CD180: variants seen among roughly 807,000 people sequenced by gnomAD.
CD180 encodes the protein CD180 molecule.
Under a neutral mutation model 10.7 loss-of-function variants are expected in CD180, and 11 were observed. The ratio of observed to expected loss-of-function variants is 1.03; its 90% CI spans 0.65 to 1.70. CD180 has a LOEUF of 1.70. Among genes scored for constraint, CD180 ranks in the 40% most tolerant of loss-of-function variants. The pLI, the probability that CD180 is intolerant of heterozygous loss-of-function variation, is 0.00. For synonymous variants in CD180, 286 were observed against 294.6 expected (o/e 0.97, Z 0.30); for missense variants, 729 against 775.2 (o/e 0.94, Z 0.71).
At position 67,185,893 on chromosome 5, in the gene CD180, G is replaced by C. The variant is rs779711805; in HGVS notation, c.215C>G (p.Thr72Ser). 5 of 1,609,694 alleles carry C rather than the reference G, an allele frequency of 3.1e-6. No homozygotes were observed. Among genetic ancestry groups the C allele is most frequent in the Non-Finnish European group, 4.2e-6 (5 of 1,177,592 alleles). Residue 72 changes from threonine to serine, a missense_variant, in exon 2 of 3, where the codon ACC becomes AGC. By Grantham distance (58) the Thr-to-Ser change is moderately conservative. Transcript: ENST00000256447. Reference sequence around the variant, plus strand: ...GGTAAGATTCATGAGTCTGCTGAAGGTTCTATTGTGAATTGTAGGCAAAAA... The same window carrying C: ...GGTAAGATTCATGAGTCTGCTGAAGCTTCTATTGTGAATTGTAGGCAAAAA... The part of the protein sequence containing the change: ...FNFLPTIHNR[T>S]FSRLMNLTFL...
At position 67,184,478 on chromosome 5, in the gene CD180, T is replaced by C. The variant is rs748165253; in HGVS notation, c.365A>G (p.Asn122Ser). 9.3e-6 allele frequency: 15 copies of C among 1,614,016 alleles called. No homozygotes were observed. The highest frequency in any genetic ancestry group is 1.1e-5 in the Non-Finnish European group (13 of 1,179,988). ...AAGATGCTTCAGTGACTTGGGCCCA[T>C]TAAGCGATGTTTCTGCCATGAATAT... is the stretch of plus-strand genomic sequence containing the variant. ...PLIFMAETSL[N>S]GPKSLKHLFL... Residue 122 changes from asparagine to serine, a missense_variant, in exon 3 of 3, where the codon AAT becomes AGT. Asn to Ser is a conservative substitution (Grantham distance 46). Coordinates refer to ENST00000256447, the MANE Select transcript of CD180 (RefSeq NM_005582.3).
Position 67,183,898 on chromosome 5 carries a change from A to C in CD180, c.945T>G (p.Ser315=). The part of the protein sequence containing the change: ...LTATHLKGLP[S]GMKGLNLLKK... Reference sequence around the variant, plus strand: ...TGAGCAAGTTCAGACCCTTCATCCCAGAGGGTAACCCTTTCAAGTGAGTTG... The same window carrying C: ...TGAGCAAGTTCAGACCCTTCATCCCCGAGGGTAACCCTTTCAAGTGAGTTG... Residue 315 remains serine, a synonymous_variant, in exon 3 of 3, where the codon TCT becomes TCG. Coordinates refer to ENST00000256447, the MANE Select transcript of CD180 (RefSeq NM_005582.3). The C allele has an allele frequency of 1.2e-6, 2 of 1,614,186 alleles. No individual in the cohort carries two copies. The highest frequency in any genetic ancestry group is 1.7e-6 in the Non-Finnish European group (2 of 1,180,010).
chr5:67,196,159 C>T (rs769099528), intron 1 of CD180, among the ~76,000 whole-genome samples: 1 of 152,192 alleles, frequency 6.6e-6, no homozygotes, highest in Non-Finnish European at 1.5e-5. Flanking sequence ...TACTAATTCT[C>T]ACCCTGAGAG....
intron 1 of CD180, among the ~76,000 whole-genome samples, chr5:67,196,141 G>C (rs5744466): frequency 0.22 from 34,156 of 152,046 alleles, 6,020 homozygotes; most frequent in African/African-American, 0.49. Flanking sequence ...CTGGCACAGC[G>C]CTGTCTTTAC....
At chr5:67,195,665 C>G (rs892087157) in intron 1 of CD180, among the ~76,000 whole-genome samples, 2 of 152,240 alleles carry the variant, frequency 1.3e-5, no homozygotes, top group Admixed American at 6.5e-5. Flanking sequence ...CAGCTCTGAG[C>G]CTTACCCCAG....
chr5:67,183,352 G>A lies in CD180; in HGVS notation c.1491C>T (p.Ser497=). The A allele has an allele frequency of 3.1e-6, 5 of 1,614,204 alleles. No homozygotes were observed. The highest frequency in any genetic ancestry group is 3.4e-6 in the Non-Finnish European group (4 of 1,180,042). ...AAGAGGACAAAATCAGAACCTCCAA[G>A]CTGCCCACGGTCTGAAGTAGGTTGG... ...TKTNLLQTVG[S]LEVLILSSCG... Residue 497 remains serine (S), a synonymous_variant, in exon 3 of 3, where the codon AGC becomes AGT. Transcript: ENST00000256447.
intron 2 of CD180, among the ~76,000 whole-genome samples, chr5:67,185,057 C>T (rs756152688): frequency 6.8e-6 from 1 of 147,178 alleles, no homozygotes; most frequent in Non-Finnish European, 1.5e-5. Flanking sequence ...CCTAAAAATA[C>T]TGGATCACAC....
chr5:67,195,334 A>G (rs1581831847), intron 1 of CD180, among the ~76,000 whole-genome samples: 2 of 152,112 alleles, frequency 1.3e-5, no homozygotes, highest in East Asian at 3.9e-4. Flanking sequence ...CTCCTGCCTC[A>G]GCCTCCCGAG....
At chr5:67,189,278 C>A (rs1742256483) in intron 1 of CD180, among the ~76,000 whole-genome samples, 2 of 152,168 alleles carry the variant, frequency 1.3e-5, no homozygotes, top group African/African-American at 4.8e-5. Flanking sequence ...TTACTAAGCA[C>A]TTTACTGCCC....
chr5:67,184,939 A>G (rs945661202), intron 2 of CD180, among the ~76,000 whole-genome samples: 12 of 152,156 alleles, frequency 7.9e-5, no homozygotes, highest in African/African-American at 2.9e-4. Context: ...AATATATGGT[A>G]TAAAATACAT....
intron 1 of CD180, among the ~76,000 whole-genome samples, chr5:67,190,439 T>G (rs1742279190): frequency 6.6e-6 from 1 of 152,162 alleles, no homozygotes; most frequent in African/African-American, 2.4e-5. Flanking sequence ...CCATTGCAGT[T>G]TCTCGGATCT....
chr5:67,183,053 T>C lies in CD180; in HGVS notation c.1790A>G (p.His597Arg), dbSNP rs987642959. 17 of 1,613,408 alleles carry C rather than the reference T, an allele frequency of 1.1e-5. No individual in the cohort carries two copies. The highest frequency in any genetic ancestry group is 5.0e-5 in the Admixed American group (3 of 59,900). The change falls in exon 3 of 3, where the codon CAC (histidine) becomes CGC (arginine). Residue 597 changes from histidine (H) to arginine (R), a missense_variant. Coordinates refer to ENST00000256447, the MANE Select transcript of CD180 (RefSeq NM_005582.3). ...GGTCTCCTCCGAGCCTTCAAGTTTGTGCAGGTTTTCTTTGTACCATGTTAA... is the reference window on the plus strand; with the variant it reads ...GGTCTCCTCCGAGCCTTCAAGTTTGCGCAGGTTTTCTTTGTACCATGTTAA... ...HFLTWYKENLHKLEGSEETTC... is the reference protein window; with the variant it reads ...HFLTWYKENLRKLEGSEETTC...
In CD180 at chr5:67,183,920, G is replaced by A. The variant is rs1742119646; in HGVS notation, c.923C>T (p.Thr308Ile). ...TQLQELDLTA[T>I]HLKGLPSGMK... Reference sequence around the variant, plus strand: ...CCCAGAGGGTAACCCTTTCAAGTGAGTTGCTGTCAGATCCAATTCTTGGAG... The same window carrying A: ...CCCAGAGGGTAACCCTTTCAAGTGAATTGCTGTCAGATCCAATTCTTGGAG... The change falls in exon 3 of 3, where the codon ACT (threonine) becomes ATT (isoleucine). Residue 308 changes from threonine (T) to isoleucine (I), a missense_variant. Transcript: ENST00000256447. 6.2e-7 allele frequency: 1 copy of A among 1,614,216 alleles called. No homozygotes were observed. The highest frequency in any genetic ancestry group is 8.5e-7 in the Non-Finnish European group (1 of 1,180,028).
In CD180 at chr5:67,193,011, G is replaced by A. The variant is rs189916019; in HGVS notation, c.90+3541C>T. Among the ~76,000 whole-genome samples, 4 of 152,292 alleles carry A rather than the reference G, an allele frequency of 2.6e-5. No homozygotes were observed. The East Asian group carries it at 5.8e-4, about 22-fold the overall frequency. ...AAGCAAGTTTGAATCCTTCTGCTGC[G>A]TAAATGAATTTGATTGGGAAGCTGA... On this transcript the variant is annotated intron_variant, in intron 1 of 2. Coordinates refer to ENST00000256447, the MANE Select transcript of CD180 (RefSeq NM_005582.3).
At chr5:67,184,723 G>T in intron 2 of CD180, 138 bp from the exon 3 acceptor site, 1 of 709,350 alleles carries the variant, frequency 1.4e-6, no homozygotes, top group Non-Finnish European at 2.3e-6. Context: ...TCAACAGATG[G>T]CCTATTGAAG....
intron 1 of CD180, among the ~76,000 whole-genome samples, chr5:67,186,879 A>T (rs564235124): frequency 0.034 from 4,411 of 128,336 alleles, 156 homozygotes; most frequent in African/African-American, 0.15. Flanking sequence ...TGTGTGAAAG[A>T]GAGAGAGAGA....
Position 67,182,879 on chromosome 5 carries a change from C to G in CD180, c.1964G>C (p.Arg655Thr). Residue 655 changes from arginine to threonine, a missense_variant, in exon 3 of 3, where the codon AGG (arginine) becomes ACG (threonine). Physicochemically the swap from Arg to Thr is moderately conservative, Grantham distance 71. Transcript: ENST00000256447. ...LLFFAVKYLL[R>T]WKYQHI ...GCACTAAATGTGTTGGTATTTCCAC[C>G]TGAGAAGGTATTTAACTGCAAAAAA... is the stretch of plus-strand genomic sequence containing the variant. 6.2e-7 allele frequency: 1 copy of G among 1,607,552 alleles called. No individual in the cohort carries two copies. Among genetic ancestry groups the G allele is most frequent in the Non-Finnish European group, 8.5e-7 (1 of 1,176,454 alleles).
At chr5:67,192,145 C>A (rs1204024307) in intron 1 of CD180, among the ~76,000 whole-genome samples, 1 of 152,156 alleles carries the variant, frequency 6.6e-6, no homozygotes, top group Non-Finnish European at 1.5e-5. Context: ...AATCCCAGCA[C>A]TTTGGGAGGC....
At chr5:67,193,949 T>C (rs1742353710) in intron 1 of CD180, among the ~76,000 whole-genome samples, 1 of 152,212 alleles carries the variant, frequency 6.6e-6, no homozygotes, top group African/African-American at 2.4e-5. Context: ...ATAACCTATG[T>C]TCCTGATCAC....
Sources: allele counts gnomAD v4.1 joint callset (sites outside exome capture counted in the v4.1 genomes callset), GRCh38; gene constraint gnomAD v4.1.1; transcripts MANE v1.5; gene names NCBI Gene and HGNC (gene_info 2026-07-23, HGNC 2026-07-21).